Variants in SPHKAP observed in about 807,000 individuals in gnomAD.
SPHKAP encodes the protein SPHK1 interactor, AKAP domain containing, also known as A-kinase anchor protein SPHKAP.
SPHKAP carries 67 observed loss-of-function variants against 137.5 expected under a neutral mutation model. The ratio of observed to expected loss-of-function variants is 0.49; its 90% CI spans 0.40 to 0.60. The LOEUF (loss-of-function observed/expected upper bound fraction) is 0.60, where lower values mean the gene tolerates loss of function less well. Ranked by LOEUF, SPHKAP falls within the 20% of genes least tolerant of loss-of-function variation. The pLI is 0.00. For synonymous variants in SPHKAP, 813 were observed against 785.3 expected (o/e 1.04, Z -0.59); for missense variants, 2,097 against 2,069.3 (o/e 1.01, Z -0.26).
chr2:228,051,975 T>A (rs1195334414), intron 3 of SPHKAP, among the ~76,000 whole-genome samples: 1 of 152,130 alleles, frequency 6.6e-6, no homozygotes, highest in East Asian at 1.9e-4. Context: ...GCCCTGGAGA[T>A]CATTTTGACA....
rs1032422943 is a variant in SPHKAP, at chr2:227,980,761, G to A, written c.*956C>T. On this transcript the variant is annotated 3_prime_UTR_variant, in exon 12 of 12. Transcript: ENST00000392056. ...GTAGCAGCACATACGTGATGAAACA[G>A]GCCACTGAGCTCAATGTCAATATGT... 1 of 152,172 alleles carries A rather than the reference G, an allele frequency of 6.6e-6. No individual in the cohort carries two copies. The highest frequency in any genetic ancestry group is 2.4e-5 in the African/African-American group (1 of 41,448). The allele number at this position is 152,172 out of a possible 1,614,324, so 9.4% of individuals were successfully genotyped here. A position where few individuals can be genotyped will look rare whatever the true frequency, so the allele number is the denominator to read the frequency against.
chr2:228,010,425 G>A (rs767150151), intron 7 of SPHKAP, among the ~76,000 whole-genome samples: 50 of 152,114 alleles, frequency 3.3e-4, no homozygotes, highest in East Asian at 1.9e-4. Flanking sequence ...CCAGCTACTC[G>A]GGAGGCTGAG....
chr2:227,981,842 G>A lies in SPHKAP; in HGVS notation c.4978C>T (p.Leu1660=), dbSNP rs969036573. 1.2e-6 allele frequency: 2 copies of A among 1,613,222 alleles called. No individual in the cohort carries two copies. The highest frequency in any genetic ancestry group is 1.7e-6 in the Non-Finnish European group (2 of 1,179,606). The change falls in exon 12 of 12, where the codon CTG becomes TTG. Residue 1660 remains leucine (L), a synonymous_variant. Coordinates refer to ENST00000392056, the MANE Select transcript of SPHKAP (RefSeq NM_001142644.2). ...ACTTTCCAGGACTTCCGATGAACCA[G>A]CTGCACGACATCTAGAAACTAAAAT... ...RIEKFLDVVQ[L]VHRKSWKVGD...
At chr2:227,990,926 C>A in intron 11 of SPHKAP, 74 bp downstream of exon 11, 1 of 1,466,892 alleles carries the variant, frequency 6.8e-7, no homozygotes, top group Non-Finnish European at 9.4e-7. Flanking sequence ...CAGGGGTTTA[C>A]TGAGCATTTA....
rs1469778320 is a variant in SPHKAP, at chr2:228,151,836, T to C, written c.33-19751A>G. Reference sequence around the variant, plus strand: ...GATAGGTGCTTATTATATTTAGTATTATATTTAGCCTTTTTTTAAAAAGTA... The same window carrying C: ...GATAGGTGCTTATTATATTTAGTATCATATTTAGCCTTTTTTTAAAAAGTA... On this transcript the variant is annotated intron_variant, in intron 1 of 11. Coordinates refer to ENST00000392056, the MANE Select transcript of SPHKAP (RefSeq NM_001142644.2). Among the ~76,000 whole-genome samples the C allele has an allele frequency of 2.6e-5, 4 of 152,170 alleles. No individual in the cohort carries two copies. The East Asian group carries it at 5.8e-4, about 22-fold the overall frequency.
At chr2:228,015,812 C>A (rs1384999867) in intron 7 of SPHKAP, among the ~76,000 whole-genome samples, 2 of 151,764 alleles carry the variant, frequency 1.3e-5, no homozygotes, top group East Asian at 3.9e-4. Context: ...AAACAGAAAG[C>A]AAAACTTGAA....
intron 1 of SPHKAP, among the ~76,000 whole-genome samples, chr2:228,140,277 A>G (rs1040300868): frequency 6.6e-6 from 1 of 151,500 alleles, no homozygotes; most frequent in African/African-American, 2.4e-5. Context: ...AAAAAAAAAA[A>G]TGAGGTATAT....
chr2:228,018,843 G>A lies in SPHKAP; in HGVS notation c.2011C>T (p.Leu671=). The change falls in exon 7 of 12, where the codon CTG becomes TTG. Residue 671 remains leucine, a synonymous_variant. Coordinates refer to ENST00000392056, the MANE Select transcript of SPHKAP (RefSeq NM_001142644.2). ...NVVRNELAHT[L]SNVILRHSID... ...GAATGCCTCAGGATAACATTGGACA[G>A]GGTATGTGCCAGTTCATTCCTGACG... 6.2e-7 allele frequency: 1 copy of A among 1,614,212 alleles called. No individual in the cohort carries two copies. Among genetic ancestry groups the A allele is most frequent in the Non-Finnish European group, 8.5e-7 (1 of 1,180,036 alleles).
chr2:228,179,269 T>C (rs1203369592), intron 1 of SPHKAP, among the ~76,000 whole-genome samples: 1 of 152,188 alleles, frequency 6.6e-6, no homozygotes, highest in African/African-American at 2.4e-5. Context: ...CAATAGCAAT[T>C]TGATATTTGC....
chr2:228,006,949 ACTGCGGGATGC>A (rs1233779222), intron 7 of SPHKAP, among the ~76,000 whole-genome samples: 1 of 152,148 alleles, frequency 6.6e-6, no homozygotes, highest in East Asian at 1.9e-4. Flanking sequence ...GTCTTCCCCT[ACTGCGGGATGC>A]CTCCCAGATA....
At chr2:228,030,966 T>C (rs932849226) in intron 3 of SPHKAP, among the ~76,000 whole-genome samples, 4 of 152,158 alleles carry the variant, frequency 2.6e-5, no homozygotes, top group African/African-American at 9.7e-5. Context: ...ATGCAGAAGA[T>C]GGGTGATTTC....
intron 1 of SPHKAP, among the ~76,000 whole-genome samples, chr2:228,135,343 C>A (rs1230891607): frequency 6.6e-6 from 1 of 150,512 alleles, no homozygotes; most frequent in Non-Finnish European, 1.5e-5. Context: ...GAAATCACAT[C>A]TAAATTGGGC....
chr2:228,162,198 T>C (rs1199750808), intron 1 of SPHKAP, among the ~76,000 whole-genome samples: 1 of 152,216 alleles, frequency 6.6e-6, no homozygotes, highest in Non-Finnish European at 1.5e-5. Context: ...CTGTGTACTT[T>C]CCTTCCAAAC....
intron 1 of SPHKAP, among the ~76,000 whole-genome samples, chr2:228,144,170 C>T (rs989674640): frequency 1.3e-5 from 2 of 152,182 alleles, no homozygotes; most frequent in Non-Finnish European, 2.9e-5. Flanking sequence ...GCCACACAGG[C>T]CTCTTTATCT....
intron 3 of SPHKAP, among the ~76,000 whole-genome samples, chr2:228,058,491 A>C (rs1285262660): frequency 1.3e-5 from 2 of 152,102 alleles, no homozygotes; most frequent in Non-Finnish European, 2.9e-5. Context: ...CCAGACCAAC[A>C]GTGTTTCCTG....
At position 228,034,874 on chromosome 2, in the gene SPHKAP, C is replaced by G. The variant is rs111328375; in HGVS notation, c.247-7331G>C. ...CTCAATAAATTAGGTATTGATGGGA[C>G]ATATCTCAAAATAATGAGAGCTATC... On this transcript the variant is annotated intron_variant, in intron 3 of 11. Transcript: ENST00000392056. Among the ~76,000 whole-genome samples, 162 of 152,114 alleles carry G rather than the reference C, an allele frequency of 1.1e-3. 1 individual carries two copies. Among genetic ancestry groups the G allele is most frequent in the African/African-American group, 3.5e-3 (144 of 41,492 alleles).
intron 11 of SPHKAP, among the ~76,000 whole-genome samples, chr2:227,983,013 G>A (rs914287029): frequency 1.3e-5 from 2 of 152,142 alleles, no homozygotes; most frequent in South Asian, 2.1e-4. Context: ...TGGAAATTTG[G>A]CATTGTTTTA....
At chr2:228,121,690 T>C (rs1204862710) in intron 2 of SPHKAP, among the ~76,000 whole-genome samples, 1 of 152,192 alleles carries the variant, frequency 6.6e-6, no homozygotes. Context: ...AGCCCTGATA[T>C]GAGTCTTTCA....
chr2:228,137,735 A>T (rs749598937), intron 1 of SPHKAP, among the ~76,000 whole-genome samples: 5 of 152,222 alleles, frequency 3.3e-5, no homozygotes, highest in Non-Finnish European at 5.9e-5. Flanking sequence ...AGGAATTGAG[A>T]TGTTGTCATT....
Sources: gnomAD v4.1 joint callset for allele counts (sites outside exome capture counted in the v4.1 genomes callset) on GRCh38, gnomAD v4.1.1 for gene constraint, MANE v1.5 for transcripts, NCBI Gene and HGNC (gene_info 2026-07-23, HGNC 2026-07-21) for gene names.